Variants in GLG1 observed in about 807,000 individuals in gnomAD.
GLG1 encodes golgi glycoprotein 1.
In GLG1, 38 loss-of-function variants were observed where a neutral mutation model predicts 160.5. That is an observed-to-expected ratio of 0.24 (90% CI 0.18 to 0.31). The LOEUF is 0.31. Among genes scored for constraint, GLG1 ranks in the 10% least tolerant of loss-of-function variants. GLG1 has a pLI of 1.00. For synonymous variants in GLG1, 644 were observed against 543.4 expected (o/e 1.19, Z -2.57); for missense variants, 1,373 against 1,505.2 (o/e 0.91, Z 1.45).
intron 23 of GLG1, 34 bp downstream of exon 23, chr16:74,459,648 A>C: frequency 1.8e-6 from 2 of 1,084,286 alleles, no homozygotes; most frequent in Non-Finnish European, 2.8e-6. Flanking sequence ...AAAAAAAAGA[A>C]ATGAAGTGAG....
At chr16:74,478,748 C>T (rs558726571) in intron 11 of GLG1, among the ~76,000 whole-genome samples, 34 of 150,818 alleles carry the variant, frequency 2.3e-4, no homozygotes, top group Non-Finnish European at 4.9e-4. Context: ...CCCATCTCTA[C>T]TAAAAATACA....
chr16:74,508,590 T>G (rs1401970114), intron 3 of GLG1, among the ~76,000 whole-genome samples: 1 of 152,176 alleles, frequency 6.6e-6, no homozygotes, highest in Non-Finnish European at 1.5e-5. Context: ...ACCTCAGCAC[T>G]TTTACTTGCT....
chr16:74,500,539 T>C (rs2016368183), intron 4 of GLG1, among the ~76,000 whole-genome samples: 1 of 152,074 alleles, frequency 6.6e-6, no homozygotes, highest in Non-Finnish European at 1.5e-5. Context: ...AGAACTCAGT[T>C]TTTATCTCTG....
At chr16:74,581,077 G>A (rs1957927776) in intron 1 of GLG1, among the ~76,000 whole-genome samples, 1 of 152,198 alleles carries the variant, frequency 6.6e-6, no homozygotes, top group Non-Finnish European at 1.5e-5. Context: ...GTGAAAAACA[G>A]TATGCCCTAA....
At chr16:74,606,291 T>C (rs1958564357) in intron 1 of GLG1, among the ~76,000 whole-genome samples, 1 of 152,164 alleles carries the variant, frequency 6.6e-6, no homozygotes, top group Non-Finnish European at 1.5e-5. Context: ...CCACAAATTG[T>C]CCTAGTCGAA....
Position 74,525,795 on chromosome 16 carries a change from T to C in GLG1, c.471+6326A>G, listed in dbSNP as rs142479247. Reference sequence around the variant, plus strand: ...TATGATTTGTAAGTATTTTCTCTCATTGTATAGGCTGCCATTCAACTTTCT... The same window carrying C: ...TATGATTTGTAAGTATTTTCTCTCACTGTATAGGCTGCCATTCAACTTTCT... On this transcript the variant is annotated intron_variant, in intron 2 of 25. Transcript: ENST00000422840. Among the ~76,000 whole-genome samples the C allele has an allele frequency of 6.3e-3, 951 of 150,732 alleles. 6 individuals carry two copies. The highest frequency in any genetic ancestry group is 7.2e-3 in the Non-Finnish European group (491 of 67,816).
intron 1 of GLG1, among the ~76,000 whole-genome samples, chr16:74,554,259 C>T (rs897560999): frequency 7.9e-5 from 12 of 152,320 alleles, no homozygotes; most frequent in East Asian, 1.9e-4. Flanking sequence ...GAGAGCCAGG[C>T]GCCGTGACTC....
chr16:74,543,438 A>C (rs1002053887), intron 1 of GLG1, among the ~76,000 whole-genome samples: 3 of 152,246 alleles, frequency 2.0e-5, no homozygotes, highest in Admixed American at 2.0e-4. Context: ...GTGAATAGCT[A>C]CTGCACTCCA....
intron 1 of GLG1, among the ~76,000 whole-genome samples, chr16:74,593,672 T>C (rs969103099): frequency 2.6e-5 from 4 of 152,024 alleles, no homozygotes; most frequent in African/African-American, 9.7e-5. Context: ...TGACCTCAGG[T>C]GATCTGCCCG....
At chr16:74,478,763 T>C (rs2015483442) in intron 11 of GLG1, among the ~76,000 whole-genome samples, 1 of 148,990 alleles carries the variant, frequency 6.7e-6, no homozygotes, top group Non-Finnish European at 1.5e-5. Context: ...AATACAAAAA[T>C]TAGCCGGGCG....
rs987392400 is a variant in GLG1, at chr16:74,448,297, G to C, written c.*4870C>G. 6.6e-6 allele frequency: 1 copy of C among 152,232 alleles called. No individual in the cohort carries two copies. The highest frequency in any genetic ancestry group is 2.4e-5 in the African/African-American group (1 of 41,436). 9.4% of individuals were successfully genotyped at this position (152,232 alleles called of 1,614,324 possible). A position where few individuals can be genotyped will look rare whatever the true frequency, so the allele number is the denominator to read the frequency against. The stretch of plus-strand genomic sequence containing the variant: ...CTCAGACCCGGCCCCACGCCCTCTA[G>C]GAACCAAAGTCTAGTGGAGAGGAGG... On this transcript the variant is annotated 3_prime_UTR_variant, in exon 26 of 26. Transcript: ENST00000422840.
chr16:74,605,857 A>T (rs1376243705), intron 1 of GLG1, among the ~76,000 whole-genome samples: 2 of 152,186 alleles, frequency 1.3e-5, no homozygotes, highest in Non-Finnish European at 2.9e-5. Flanking sequence ...TTTGCTCCCA[A>T]ACTTTGAGAA....
intron 1 of GLG1, among the ~76,000 whole-genome samples, chr16:74,572,469 C>T (rs1469888619): frequency 9.4e-5 from 14 of 149,290 alleles, no homozygotes; most frequent in African/African-American, 3.5e-4. Context: ...GCCGAGATCG[C>T]ACCACTGCCC....
chr16:74,529,660 T>C (rs906496431), intron 2 of GLG1, among the ~76,000 whole-genome samples: 4 of 152,080 alleles, frequency 2.6e-5, no homozygotes, highest in African/African-American at 4.8e-5. Flanking sequence ...AATGGCTATA[T>C]TATAGAATTT....
chr16:74,508,994 C>G, intron 2 of GLG1, 69 bp from the exon 3 acceptor site: 1 of 701,670 alleles, frequency 1.4e-6, no homozygotes, highest in South Asian at 1.6e-5. Flanking sequence ...TTATTATCAA[C>G]GTTAAATGAC....
At chr16:74,574,883 C>CAAAAAAAAA (rs531720341) in intron 1 of GLG1, among the ~76,000 whole-genome samples, 573 of 24,786 alleles carry the variant, frequency 0.023, 145 homozygotes, top group East Asian at 0.07. Context: ...GACTCTGTCT[C>CAAAAAAAAA]AAAAAAAAAA....
rs377646773 is a variant in GLG1, at chr16:74,469,225, G to A, written c.2319-162C>T. 3.0e-4 allele frequency: 183 copies of A among 605,876 alleles called. 4 individuals are homozygous for A. In the South Asian group the frequency reaches 3.2e-3, roughly 11 times the overall value. 37.5% of individuals were successfully genotyped at this position (605,876 alleles called of 1,614,324 possible). A position where few individuals can be genotyped will look rare whatever the true frequency, so the allele number is the denominator to read the frequency against. On this transcript the variant is annotated intron_variant, in intron 16 of 25. Transcript: ENST00000422840. ...ATTTTTTTTCAGGGTGCTAAAAGCT[G>A]CAATTTGACTGTGGGTGTCATGAAA...
chr16:74,595,411 C>T (rs1269373198), intron 1 of GLG1, among the ~76,000 whole-genome samples: 1 of 151,712 alleles, frequency 6.6e-6, no homozygotes, highest in Non-Finnish European at 1.5e-5. Flanking sequence ...GTGGCGGGCG[C>T]CTGTAGTCCC....
chr16:74,482,545 G>A (rs769501243), intron 10 of GLG1, among the ~76,000 whole-genome samples: 1 of 151,948 alleles, frequency 6.6e-6, no homozygotes, highest in Non-Finnish European at 1.5e-5. Flanking sequence ...TTAACAGAAT[G>A]AGAGGGAAAT....
Sources: allele counts gnomAD v4.1 joint callset (sites outside exome capture counted in the v4.1 genomes callset), GRCh38; gene constraint gnomAD v4.1.1; transcripts MANE v1.5; gene names NCBI Gene and HGNC (gene_info 2026-07-23, HGNC 2026-07-21).